LINGO2: variants seen among roughly 807,000 people sequenced by gnomAD.
LINGO2 encodes the protein leucine rich repeat and Ig domain containing 2.
In LINGO2, 14 loss-of-function variants were observed where a neutral mutation model predicts 30.6. That is an observed-to-expected ratio of 0.46 (90% confidence interval 0.30 to 0.72). The LOEUF (loss-of-function observed/expected upper bound fraction) is 0.72. Among genes scored for constraint, LINGO2 ranks in the 30% least tolerant of loss-of-function variants. LINGO2 has a pLI of 0.07. For missense variants in LINGO2, 729 were observed against 751.7 expected (o/e 0.97, Z 0.35); for synonymous variants, 317 against 288.5 (o/e 1.10, Z -1.00).
intron 4 of LINGO2, among the ~76,000 whole-genome samples, chr9:28,172,532 T>G (rs1828633122): frequency 6.6e-6 from 1 of 152,232 alleles, no homozygotes; most frequent in African/African-American, 2.4e-5. Context: ...TAATCTTGAC[T>G]TAAAGTTTGG....
the LINGO2 span, among the ~76,000 whole-genome samples, chr9:28,700,787 G>A: frequency 6.6e-6 from 1 of 152,048 alleles, no homozygotes; most frequent in East Asian, 1.9e-4. Context: ...AAGAGGTCCT[G>A]TCACTCCACA....
the LINGO2 span, among the ~76,000 whole-genome samples, chr9:28,678,085 T>C: frequency 5.3e-5 from 8 of 151,278 alleles, no homozygotes; most frequent in African/African-American, 1.7e-4. Flanking sequence ...AAAATTATCT[T>C]AAAATATCAA....
intron 1 of LINGO2, among the ~76,000 whole-genome samples, chr9:28,609,633 G>A (rs945289001): frequency 6.6e-6 from 1 of 152,008 alleles, no homozygotes; most frequent in Non-Finnish European, 1.5e-5. Flanking sequence ...ACTTCATTTT[G>A]AGATAAGATA....
the LINGO2 span, among the ~76,000 whole-genome samples, chr9:28,771,491 GT>G: frequency 1.4e-5 from 2 of 140,522 alleles, no homozygotes; most frequent in African/African-American, 2.6e-5. Context: ...GTGTGTGTGT[GT>G]GTGTGTGTGT....
intron 5 of LINGO2, among the ~76,000 whole-genome samples, chr9:28,003,700 A>G (rs1472688551): frequency 1.3e-5 from 2 of 152,154 alleles, no homozygotes; most frequent in Non-Finnish European, 2.9e-5. Flanking sequence ...TGACCTTGTG[A>G]TCCGCCCGCC....
At chr9:29,090,842 C>T in the LINGO2 span, among the ~76,000 whole-genome samples, 1 of 151,804 alleles carries the variant, frequency 6.6e-6, no homozygotes, top group Admixed American at 6.6e-5. Context: ...GGAATAATAT[C>T]AACATTTTCT....
At chr9:28,325,723 A>G (rs899346312) in intron 3 of LINGO2, among the ~76,000 whole-genome samples, 1 of 152,136 alleles carries the variant, frequency 6.6e-6, no homozygotes, top group African/African-American at 2.4e-5. Flanking sequence ...CTGTGAGTCC[A>G]TTAAACCTCT....
exon 6 of LINGO2, chr9:27,948,511 CTTT>C (rs1171415322): frequency 8.8e-6 from 2 of 227,642 alleles, no homozygotes; most frequent in South Asian, 1.1e-4. Flanking sequence ...GTAGGTTGTT[CTTT>C]TTTATTTTTT....
the LINGO2 span, among the ~76,000 whole-genome samples, chr9:28,734,453 C>A: frequency 6.6e-6 from 1 of 152,064 alleles, no homozygotes. Context: ...ACTGAAATTG[C>A]AGAAGGTGAA....
chr9:28,352,567 C>T (rs1441577194), intron 3 of LINGO2, among the ~76,000 whole-genome samples: 1 of 138,458 alleles, frequency 7.2e-6, no homozygotes, highest in East Asian at 2.1e-4. Context: ...GTGAAAATGG[C>T]CATACTGCCC....
rs118152923 is a variant in LINGO2 at position 28,186,532 on chromosome 9, A to T, written c.-87+108676T>A. On this transcript the variant is annotated intron_variant, in intron 4 of 5. Transcript: ENST00000379992. ...TGAACAAAATAAATGCAAAAATATA[A>T]GAGTGTTTATAATGGAGAAAAATAA... 7.8e-4 allele frequency among the ~76,000 whole-genome samples: 117 copies of T among 150,220 alleles called. No homozygotes were observed. In the East Asian group the frequency reaches 0.021, roughly 27 times the overall value.
the LINGO2 span, among the ~76,000 whole-genome samples, chr9:28,861,254 T>C: frequency 1.6e-5 from 2 of 123,048 alleles, no homozygotes; most frequent in Non-Finnish European, 3.2e-5. Context: ...TTTTATACAA[T>C]ATTATATAAA....
At chr9:27,993,436 G>C (rs951379637) in intron 5 of LINGO2, among the ~76,000 whole-genome samples, 4 of 140,852 alleles carry the variant, frequency 2.8e-5, no homozygotes, top group Non-Finnish European at 6.1e-5. Flanking sequence ...ATATTGGGAG[G>C]CTGAGGTGGA....
Position 28,444,708 on chromosome 9 carries a change from A to C in LINGO2, c.-279+31232T>G, listed in dbSNP as rs1483053413. 3.3e-5 allele frequency among the ~76,000 whole-genome samples: 5 copies of C among 152,114 alleles called. No homozygotes were observed. The East Asian group carries it at 7.7e-4, about 23-fold the overall frequency. Reference sequence around the variant, plus strand: ...AGTTTCTTGTGGTATGTCTGGTCCAACTGGAGCCTTGCATGGAGCCAGCAC... The same window carrying C: ...AGTTTCTTGTGGTATGTCTGGTCCACCTGGAGCCTTGCATGGAGCCAGCAC... On this transcript the variant is annotated intron_variant, in intron 2 of 5. Transcript: ENST00000379992.
At chr9:28,587,849 T>C (rs775399507) in intron 1 of LINGO2, among the ~76,000 whole-genome samples, 5 of 151,874 alleles carry the variant, frequency 3.3e-5, no homozygotes, top group Admixed American at 6.6e-5. Flanking sequence ...AGATTCTAGC[T>C]CTGAAGGGCA....
At chr9:28,413,829 T>C (rs1221663112) in intron 2 of LINGO2, among the ~76,000 whole-genome samples, 1 of 152,122 alleles carries the variant, frequency 6.6e-6, no homozygotes, top group East Asian at 1.9e-4. Flanking sequence ...TAAGATATAT[T>C]TGAAGCCAGG....
At chr9:28,024,814 C>T (rs779179881) in intron 4 of LINGO2, among the ~76,000 whole-genome samples, 2 of 152,202 alleles carry the variant, frequency 1.3e-5, no homozygotes, top group East Asian at 1.9e-4. Flanking sequence ...GCTTCCCCGA[C>T]GTGGAGCCAA....
intron 4 of LINGO2, among the ~76,000 whole-genome samples, chr9:28,031,951 C>A (rs548212008): frequency 6.7e-6 from 1 of 150,326 alleles, no homozygotes; most frequent in African/African-American, 2.4e-5. Context: ...GCCAGGCAGG[C>A]AGTACCTATT....
chr9:28,310,801 A>C (rs1372324579), intron 3 of LINGO2, among the ~76,000 whole-genome samples: 1 of 152,190 alleles, frequency 6.6e-6, no homozygotes, highest in Admixed American at 6.5e-5. Context: ...AAATTTCTTT[A>C]AAGTTAAATC....
Sources: allele counts gnomAD v4.1 joint callset (sites outside exome capture counted in the v4.1 genomes callset), GRCh38; gene constraint gnomAD v4.1.1; transcripts MANE v1.5; gene names NCBI Gene and HGNC (gene_info 2026-07-23, HGNC 2026-07-21).